ADGRL2: variants seen among roughly 807,000 people sequenced by gnomAD.
The protein encoded by ADGRL2 is calcium-independent alpha-latrotoxin receptor 2.
ADGRL2 carries 44 observed loss-of-function variants against 157.4 expected under a neutral mutation model. That is an observed-to-expected ratio of 0.28 (90% CI 0.22 to 0.36). The LOEUF (loss-of-function observed/expected upper bound fraction) is 0.36, where lower values mean the gene tolerates loss of function less well. ADGRL2 is among the 10% of genes least tolerant of loss of function. ADGRL2 has a pLI of 1.00. For synonymous variants in ADGRL2, 585 were observed against 624.7 expected, an observed-to-expected ratio of 0.94 and a Z score of 0.95; for missense variants, 1,510 against 1,768.9, an observed-to-expected ratio of 0.85 and a Z score of 2.63.
chr1:81,955,941 A>G lies in ADGRL2; in HGVS notation c.1898A>G (p.Asn633Ser), dbSNP rs770805819. ...PEALESWKHM[N>S]SSEQAHTATM... ...GCTTTGGAATCATGGAAACATATGA[A>G]TTCTTCTGAACAAGCACATACTGCA... The change falls in exon 11 of 24, where the codon AAT (asparagine) becomes AGT (serine). Residue 633 changes from asparagine to serine, a missense_variant. By Grantham distance (46) the Asn-to-Ser change is conservative (BLOSUM62 1). This residue lies in a region of ADGRL2 where 325 missense variants were observed against 333.2 expected (regional missense o/e 0.98). Coordinates refer to ENST00000686636, the MANE Select transcript of ADGRL2 (RefSeq NM_001366006.2). 2 of 1,608,406 alleles carry G rather than the reference A, an allele frequency of 1.2e-6. No individual in the cohort carries two copies. Among genetic ancestry groups the G allele is most frequent in the South Asian group, 1.1e-5 (1 of 89,976 alleles).
intron 3 of ADGRL2, among the ~76,000 whole-genome samples, chr1:81,926,891 A>T (rs184134991): frequency 6.6e-6 from 1 of 152,162 alleles, no homozygotes; most frequent in Admixed American, 6.6e-5. Context: ...AATTTGCATT[A>T]AACTGACCCC....
At chr1:81,462,631 C>A (rs945220111) in intron 2 of ADGRL2, among the ~76,000 whole-genome samples, 1 of 152,262 alleles carries the variant, frequency 6.6e-6, no homozygotes, top group East Asian at 1.9e-4. Flanking sequence ...GTTATTGTTA[C>A]TTGGCCCTTG....
intron 2 of ADGRL2, among the ~76,000 whole-genome samples, chr1:81,862,411 A>G (rs1391231532): frequency 6.6e-6 from 1 of 152,184 alleles, no homozygotes; most frequent in East Asian, 1.9e-4. Context: ...AGCCCCTATC[A>G]ACTCTGACAG....
At chr1:81,908,457 T>G (rs975752356) in intron 3 of ADGRL2, among the ~76,000 whole-genome samples, 1 of 152,190 alleles carries the variant, frequency 6.6e-6, no homozygotes, top group East Asian at 1.9e-4. Context: ...TGGAATAATA[T>G]TCATTGTCTG....
At chr1:81,371,648 G>A (rs1467529777) in intron 1 of ADGRL2, among the ~76,000 whole-genome samples, 1 of 152,144 alleles carries the variant, frequency 6.6e-6, no homozygotes, top group African/African-American at 2.4e-5. Flanking sequence ...TAAAGGTGTA[G>A]CCTTAAATCT....
At chr1:81,437,236 T>A (rs28688493) in intron 1 of ADGRL2, among the ~76,000 whole-genome samples, 1 of 152,188 alleles carries the variant, frequency 6.6e-6, no homozygotes, top group Non-Finnish European at 1.5e-5. Flanking sequence ...TGCAGTCTCC[T>A]GGAATCACAA....
intron 1 of ADGRL2, among the ~76,000 whole-genome samples, chr1:81,708,786 C>T (rs1409822406): frequency 2.0e-5 from 3 of 151,976 alleles, no homozygotes; most frequent in Non-Finnish European, 4.4e-5. Context: ...TATACTTCAG[C>T]TAAACAATTT....
At chr1:81,530,242 A>G (rs1003715713) in intron 2 of ADGRL2, among the ~76,000 whole-genome samples, 1 of 152,212 alleles carries the variant, frequency 6.6e-6, no homozygotes, top group Non-Finnish European at 1.5e-5. Flanking sequence ...GTACAGGCCC[A>G]GGATACAGTT....
intron 3 of ADGRL2, among the ~76,000 whole-genome samples, chr1:81,628,412 A>G (rs1018119383): frequency 6.6e-6 from 1 of 152,164 alleles, no homozygotes; most frequent in Non-Finnish European, 1.5e-5. Context: ...ATCTCTCACC[A>G]GCTAACTAAA....
At chr1:81,677,489 G>C (rs1570806407) in intron 3 of ADGRL2, among the ~76,000 whole-genome samples, 1 of 152,294 alleles carries the variant, frequency 6.6e-6, no homozygotes, top group East Asian at 1.9e-4. Context: ...AAATATTTGG[G>C]ATGGGGTGCA....
chr1:81,865,125 TACAGAG>T (rs2093502061), intron 2 of ADGRL2, among the ~76,000 whole-genome samples: 1 of 152,234 alleles, frequency 6.6e-6, no homozygotes, highest in Non-Finnish European at 1.5e-5. Flanking sequence ...GCTTTACTCT[TACAGAG>T]ACAAAGTTAG....
intron 3 of ADGRL2, among the ~76,000 whole-genome samples, chr1:81,658,295 A>G (rs2082578734): frequency 6.6e-6 from 1 of 152,172 alleles, no homozygotes; most frequent in South Asian, 2.1e-4. Flanking sequence ...GGGTTTCACC[A>G]TGTTGCCCAG....
chr1:81,776,746 T>C (rs989171895), intron 2 of ADGRL2, among the ~76,000 whole-genome samples: 2 of 152,218 alleles, frequency 1.3e-5, no homozygotes, highest in Admixed American at 6.5e-5. Flanking sequence ...AAATCTTCTA[T>C]AGAGGATAAG....
intron 1 of ADGRL2, among the ~76,000 whole-genome samples, chr1:81,439,781 C>T (rs1300603625): frequency 2.0e-5 from 3 of 152,234 alleles, no homozygotes; most frequent in Non-Finnish European, 4.4e-5. Context: ...GAGGTGGCTG[C>T]CCTCCGCCAC....
At chr1:81,953,479 T>G (rs1291416099) in intron 10 of ADGRL2, among the ~76,000 whole-genome samples, 1 of 152,186 alleles carries the variant, frequency 6.6e-6, no homozygotes, top group Non-Finnish European at 1.5e-5. Context: ...CTGAAATTTT[T>G]AGGAGTCATT....
At chr1:81,837,110 C>G (rs913257028) in intron 2 of ADGRL2, 53 bp downstream of exon 2, 5 of 981,132 alleles carry the variant, frequency 5.1e-6, no homozygotes, top group Non-Finnish European at 7.6e-6. Flanking sequence ...TTGAACTATA[C>G]AATCTTCTTA....
chr1:81,787,322 T>A (rs955711021), intron 2 of ADGRL2, among the ~76,000 whole-genome samples: 2 of 152,214 alleles, frequency 1.3e-5, no homozygotes, highest in Non-Finnish European at 2.9e-5. Flanking sequence ...ATTATTTGTT[T>A]CTGTCAAGGC....
intron 1 of ADGRL2, among the ~76,000 whole-genome samples, chr1:81,712,755 ATTTT>A (rs60265943): frequency 1.3e-3 from 127 of 100,206 alleles, no homozygotes; most frequent in Admixed American, 2.2e-3. Context: ...TGGATCGCGG[ATTTT>A]TTTTTTTTTT....
At chr1:81,430,987 C>A (rs953710606) in intron 1 of ADGRL2, among the ~76,000 whole-genome samples, 1 of 152,176 alleles carries the variant, frequency 6.6e-6, no homozygotes, top group Admixed American at 6.5e-5. Context: ...TTTTATTTTA[C>A]TTTAACATAA....
Sources: gnomAD v4.1 joint callset for allele counts (sites outside exome capture counted in the v4.1 genomes callset) on GRCh38, gnomAD v4.1.1 for gene constraint, gnomAD v4.1.1 regional missense constraint, MANE v1.5 for transcripts, NCBI Gene and HGNC (gene_info 2026-07-23, HGNC 2026-07-21) for gene names.